FAM171A1: variants seen among roughly 807,000 people sequenced by gnomAD.
The protein encoded by FAM171A1 is family with sequence similarity 171 member A1.
Under a neutral mutation model 74.9 loss-of-function variants are expected in FAM171A1, and 23 were observed. That is an observed-to-expected ratio of 0.31 (90% CI 0.22 to 0.44). The LOEUF is 0.44. Among genes scored for constraint, FAM171A1 ranks in the 20% least tolerant of loss-of-function variants. FAM171A1 has a pLI of 1.00. For missense variants in FAM171A1, 1,162 were observed against 1,159.2 expected (o/e 1.00, Z -0.03); for synonymous variants, 527 against 505.7 (o/e 1.04, Z -0.57).
intron 1 of FAM171A1, among the ~76,000 whole-genome samples, chr10:15,324,255 C>CAAAAGACGAA (rs1327704592): frequency 6.6e-6 from 1 of 152,110 alleles, no homozygotes; most frequent in Non-Finnish European, 1.5e-5. Context: ...CTTTCTCCGT[C>CAAAAGACGAA]TTTTCCTAAA....
At chr10:15,311,002 G>A (rs1835353844) in intron 1 of FAM171A1, among the ~76,000 whole-genome samples, 1 of 152,178 alleles carries the variant, frequency 6.6e-6, no homozygotes, top group African/African-American at 2.4e-5. Flanking sequence ...GTCCAGGCCA[G>A]CATGAGATAC....
At chr10:15,371,586 G>C (rs1348791391), upstream of FAM171A1, among the ~76,000 whole-genome samples, 2 of 152,152 alleles carry the variant, frequency 1.3e-5, no homozygotes, top group Non-Finnish European at 2.9e-5. Flanking sequence ...TAATGTAGTT[G>C]TGTCCCCCAA....
At chr10:15,317,230 C>A (rs566284074) in intron 1 of FAM171A1, among the ~76,000 whole-genome samples, 1 of 151,982 alleles carries the variant, frequency 6.6e-6, no homozygotes, top group Non-Finnish European at 1.5e-5. Context: ...GAAGTCATGA[C>A]GGGAGAGAGA....
At chr10:15,225,412 C>T (rs7921084) in intron 5 of FAM171A1, among the ~76,000 whole-genome samples, 60,943 of 152,026 alleles carry the variant, frequency 0.4, 13,388 homozygotes, top group African/African-American at 0.58. Flanking sequence ...ATGGCTAAAG[C>T]GTGACACTCT....
At chr10:15,283,052 T>A (rs1588532223) in intron 2 of FAM171A1, among the ~76,000 whole-genome samples, 1 of 152,238 alleles carries the variant, frequency 6.6e-6, no homozygotes, top group East Asian at 1.9e-4. Context: ...ACTTAGCTTA[T>A]AATCAATGAC....
intron 5 of FAM171A1, chr10:15,240,843 C>T (rs4750612): frequency 0.31 from 156,026 of 504,626 alleles, 26,570 homozygotes; most frequent in Admixed American, 0.46. Flanking sequence ...AGTCTGAGAC[C>T]AGTCTGGGCA....
chr10:15,314,886 G>A (rs907607518), intron 1 of FAM171A1, among the ~76,000 whole-genome samples: 1 of 152,240 alleles, frequency 6.6e-6, no homozygotes, highest in Non-Finnish European at 1.5e-5. Context: ...CAGCCGCGGG[G>A]AGGAGGCTGG....
chr10:15,307,858 C>T (rs998203921), intron 1 of FAM171A1, among the ~76,000 whole-genome samples: 2 of 150,842 alleles, frequency 1.3e-5, no homozygotes, highest in African/African-American at 4.9e-5. Context: ...GCCCAGGCTG[C>T]AGTGCAGTGG....
chr10:15,259,942 C>A lies in FAM171A1; in HGVS notation c.419-5063G>T, dbSNP rs112259131. On this transcript the variant is annotated intron_variant, in intron 3 of 7. Coordinates refer to ENST00000378116, the MANE Select transcript of FAM171A1 (RefSeq NM_001010924.2). ...CTGGGCTCAAGTGATCTTCCCACCTCAGCCTACTGGGTAGCTGGGACTACA... is the reference window on the plus strand; with the variant it reads ...CTGGGCTCAAGTGATCTTCCCACCTAAGCCTACTGGGTAGCTGGGACTACA... 9.8e-4 allele frequency among the ~76,000 whole-genome samples: 149 copies of A among 152,148 alleles called. 1 individual carries two copies. The highest frequency in any genetic ancestry group is 3.3e-3 in the African/African-American group (137 of 41,524).
At chr10:15,301,508 C>T (rs1835228953) in intron 1 of FAM171A1, among the ~76,000 whole-genome samples, 1 of 152,060 alleles carries the variant, frequency 6.6e-6, no homozygotes, top group African/African-American at 2.4e-5. Context: ...GGGCCCTCTT[C>T]AAGGATGTTT....
chr10:15,364,647 T>C (rs1317380629), intron 1 of FAM171A1, among the ~76,000 whole-genome samples: 1 of 151,946 alleles, frequency 6.6e-6, no homozygotes, highest in African/African-American at 2.4e-5. Flanking sequence ...GTTCTGGAGG[T>C]CGGAAGTCCA....
chr10:15,296,273 A>G (rs1835159928), intron 1 of FAM171A1, among the ~76,000 whole-genome samples: 2 of 152,122 alleles, frequency 1.3e-5, no homozygotes, highest in Non-Finnish European at 2.9e-5. Flanking sequence ...TTAGCCAATC[A>G]TGTCATCCAA....
upstream of FAM171A1, among the ~76,000 whole-genome samples, chr10:15,372,842 C>T (rs751947798): frequency 2.6e-5 from 4 of 152,224 alleles, no homozygotes; most frequent in East Asian, 1.9e-4. Flanking sequence ...CCACTCCTGT[C>T]GGTATGCCTT....
intron 5 of FAM171A1, among the ~76,000 whole-genome samples, chr10:15,223,649 A>G (rs1834068476): frequency 6.6e-6 from 1 of 152,318 alleles, no homozygotes. Flanking sequence ...CTGTAATCCC[A>G]GCACTTTGGG....
intron 1 of FAM171A1, among the ~76,000 whole-genome samples, chr10:15,321,837 T>TAGAA (rs1835490342): frequency 6.6e-6 from 1 of 152,216 alleles, no homozygotes; most frequent in South Asian, 2.1e-4. Flanking sequence ...ATGCTTAAGA[T>TAGAA]AGAAATTCAC....
intron 3 of FAM171A1, among the ~76,000 whole-genome samples, chr10:15,273,611 C>A (rs1005323752): frequency 7.9e-5 from 12 of 151,754 alleles, no homozygotes; most frequent in Admixed American, 2.6e-4. Context: ...GAATTTTAGA[C>A]CAATATCAAT....
intron 2 of FAM171A1, among the ~76,000 whole-genome samples, chr10:15,283,224 T>G (rs916909740): frequency 6.6e-6 from 1 of 152,148 alleles, no homozygotes; most frequent in Non-Finnish European, 1.5e-5. Flanking sequence ...TGTGGCCAGA[T>G]ACCCACCTCC....
chr10:15,323,521 T>C (rs1413028139), intron 1 of FAM171A1, among the ~76,000 whole-genome samples: 2 of 152,120 alleles, frequency 1.3e-5, no homozygotes, highest in African/African-American at 4.8e-5. Context: ...AAGATGGCAA[T>C]GGTATCATCA....
At chr10:15,344,283 T>TA (rs1835796142) in intron 1 of FAM171A1, among the ~76,000 whole-genome samples, 1 of 152,172 alleles carries the variant, frequency 6.6e-6, no homozygotes, top group African/African-American at 2.4e-5. Context: ...AAACTGTTAA[T>TA]CCCAGCAACT....
Sources: gnomAD v4.1 joint callset for allele counts (sites outside exome capture counted in the v4.1 genomes callset) on GRCh38, gnomAD v4.1.1 for gene constraint, MANE v1.5 for transcripts, NCBI Gene and HGNC (gene_info 2026-07-23, HGNC 2026-07-21) for gene names.